LIMS1: variants seen among roughly 807,000 people sequenced by gnomAD.
LIMS1 encodes LIM zinc finger domain containing 1, also known as LIM and senescent cell antigen-like-containing domain protein 1.
LIMS1 carries 18 observed loss-of-function variants against 44.1 expected under a neutral mutation model. The ratio of observed to expected loss-of-function variants is 0.41; its 90% CI spans 0.28 to 0.61. The LOEUF is 0.61. Among genes scored for constraint, LIMS1 ranks in the 20% least tolerant of loss-of-function variants. The pLI is 0.32. For missense variants in LIMS1, 201 were observed against 422.0 expected, an observed-to-expected ratio of 0.48 and a Z score of 4.59; for synonymous variants, 93 against 149.1, an observed-to-expected ratio of 0.62 and a Z score of 2.74.
chr2:108,574,171 T>C (rs1327832511), intron 1 of LIMS1, among the ~76,000 whole-genome samples: 2 of 152,156 alleles, frequency 1.3e-5, no homozygotes, highest in Non-Finnish European at 2.9e-5. Context: ...GGGTATGAAG[T>C]ACATGAGTTT....
At chr2:108,659,845 T>C (rs1691214038) in intron 2 of LIMS1, 81 bp downstream of exon 2, 1 of 1,610,824 alleles carries the variant, frequency 6.2e-7, no homozygotes, top group Non-Finnish European at 8.5e-7. Flanking sequence ...GGCCTCCTCC[T>C]TCATGTTCAG....
chr2:108,568,678 A>G (rs1303460230), intron 1 of LIMS1, among the ~76,000 whole-genome samples: 3 of 152,122 alleles, frequency 2.0e-5, no homozygotes, highest in Admixed American at 2.0e-4. Context: ...ATCCCCACCT[A>G]CATTTGTTAT....
At chr2:108,604,359 C>T (rs1687160696) in intron 1 of LIMS1, among the ~76,000 whole-genome samples, 1 of 152,138 alleles carries the variant, frequency 6.6e-6, no homozygotes, top group South Asian at 2.1e-4. Context: ...GCTTTTGAAC[C>T]ACGAGGGCAG....
chr2:108,639,192 GA>G (rs1448875107), intron 1 of LIMS1, among the ~76,000 whole-genome samples: 2 of 152,190 alleles, frequency 1.3e-5, no homozygotes, highest in Non-Finnish European at 2.9e-5. Context: ...CTGCTGAACA[GA>G]AGATCGATAA....
intron 1 of LIMS1, among the ~76,000 whole-genome samples, chr2:108,639,015 C>T (rs902947375): frequency 2.0e-5 from 3 of 151,560 alleles, no homozygotes; most frequent in Non-Finnish European, 4.4e-5. Flanking sequence ...TGCACTCCAG[C>T]GTGGGTGACA....
chr2:108,555,444 T>C (rs1422700078), intron 1 of LIMS1, among the ~76,000 whole-genome samples: 1 of 152,114 alleles, frequency 6.6e-6, no homozygotes, highest in Non-Finnish European at 1.5e-5. Context: ...TCTCATCTCA[T>C]AGTTCTGTGT....
intron 1 of LIMS1, among the ~76,000 whole-genome samples, chr2:108,547,602 G>C (rs1313968019): frequency 1.3e-5 from 2 of 152,172 alleles, no homozygotes; most frequent in Non-Finnish European, 1.5e-5. Flanking sequence ...TAGGAATATA[G>C]GTTAAAATTT....
intron 1 of LIMS1, among the ~76,000 whole-genome samples, chr2:108,618,232 A>G (rs1688035724): frequency 6.6e-6 from 1 of 152,194 alleles, no homozygotes. Context: ...CAGAAAATGC[A>G]TTTATACAGG....
At chr2:108,554,233 A>G (rs1472542129) in intron 1 of LIMS1, among the ~76,000 whole-genome samples, 1 of 152,118 alleles carries the variant, frequency 6.6e-6, no homozygotes, top group Non-Finnish European at 1.5e-5. Flanking sequence ...TGGTATTGAG[A>G]TCCTGTGGAA....
chr2:108,567,698 A>G (rs1333614026), intron 1 of LIMS1, among the ~76,000 whole-genome samples: 3 of 152,180 alleles, frequency 2.0e-5, no homozygotes, highest in South Asian at 2.1e-4. Flanking sequence ...CAGCCTCCCA[A>G]GTAGCTGGAA....
chr2:108,589,178 C>T (rs915752257), intron 1 of LIMS1, among the ~76,000 whole-genome samples: 1 of 150,288 alleles, frequency 6.7e-6, no homozygotes, highest in African/African-American at 2.5e-5. Context: ...ATGTAAAACG[C>T]TGTTTAAAAA....
intron 1 of LIMS1, among the ~76,000 whole-genome samples, chr2:108,597,793 A>G (rs1352428578): frequency 6.6e-6 from 1 of 150,470 alleles, no homozygotes; most frequent in African/African-American, 2.4e-5. Flanking sequence ...CCTAGGTTCA[A>G]GTGATTCTCC....
rs1275799681 is a variant in LIMS1 at position 108,545,302 on chromosome 2, C to T, written c.32+10708C>T. ...AGGCAGGAGTGCAGTGGCTTGATGTCGGCTCACTGCAACCTCCGCCTCCCG... is the reference window on the plus strand; with the variant it reads ...AGGCAGGAGTGCAGTGGCTTGATGTTGGCTCACTGCAACCTCCGCCTCCCG... On this transcript the variant is annotated intron_variant, in intron 1 of 9. Coordinates refer to ENST00000544547, the Ensembl canonical transcript of LIMS1. Among the ~76,000 whole-genome samples the T allele has an allele frequency of 4.6e-5, 7 of 152,218 alleles. No individual in the cohort carries two copies. The South Asian group carries it at 6.2e-4, about 14-fold the overall frequency.
chr2:108,608,407 G>T (rs1687397082), intron 1 of LIMS1, among the ~76,000 whole-genome samples: 1 of 151,468 alleles, frequency 6.6e-6, no homozygotes, highest in Non-Finnish European at 1.5e-5. Flanking sequence ...CCGGGTTCAA[G>T]CTATTCTCCT....
At chr2:108,670,575 C>T (rs186059055) in intron 2 of LIMS1, among the ~76,000 whole-genome samples, 5 of 152,288 alleles carry the variant, frequency 3.3e-5, no homozygotes, top group Non-Finnish European at 5.9e-5. Flanking sequence ...CTAGCCTCTA[C>T]TTATTCCATA....
intron 1 of LIMS1, among the ~76,000 whole-genome samples, chr2:108,625,452 A>G (rs1688507804): frequency 2.0e-5 from 3 of 152,168 alleles, no homozygotes; most frequent in Non-Finnish European, 4.4e-5. Context: ...AAGAACTCCT[A>G]GAGCTTTCCC....
intron 1 of LIMS1, among the ~76,000 whole-genome samples, chr2:108,639,821 C>T (rs756956387): frequency 3.9e-5 from 6 of 152,172 alleles, no homozygotes; most frequent in Non-Finnish European, 5.9e-5. Context: ...CAGGAATATG[C>T]GTGATTCTTC....
intron 1 of LIMS1, among the ~76,000 whole-genome samples, chr2:108,632,908 T>A (rs1482200051): frequency 1.3e-5 from 2 of 152,202 alleles, no homozygotes; most frequent in Non-Finnish European, 2.9e-5. Context: ...ACACATTGAT[T>A]TCTGAATGAG....
At chr2:108,635,699 C>CA (rs1180398179) in intron 1 of LIMS1, among the ~76,000 whole-genome samples, 1 of 151,508 alleles carries the variant, frequency 6.6e-6, no homozygotes, top group Non-Finnish European at 1.5e-5. Flanking sequence ...GACTCCATCT[C>CA]AAAAAAAAGA....
Sources: allele counts gnomAD v4.1 joint callset (sites outside exome capture counted in the v4.1 genomes callset), GRCh38; gene constraint gnomAD v4.1.1; transcripts MANE v1.5; gene names NCBI Gene and HGNC (gene_info 2026-07-23, HGNC 2026-07-21).